The following SIK3 variants were observed in gnomAD, a reference collection of about 807,000 sequenced individuals.
The protein encoded by SIK3 is serine/threonine-protein kinase SIK3.
SIK3 carries 28 observed loss-of-function variants against 144.2 expected under a neutral mutation model. That is an observed-to-expected ratio of 0.19 (90% CI 0.14 to 0.27). The LOEUF is 0.27. Among genes scored for constraint, SIK3 ranks in the 10% least tolerant of loss-of-function variants. The pLI is 1.00. For synonymous variants in SIK3, 686 were observed against 676.3 expected (o/e 1.01, Z -0.22); for missense variants, 1,319 against 1,776.0 (o/e 0.74, Z 4.62).
Position 117,054,483 on chromosome 11 carries a change from A to G in SIK3, c.273+43660T>C, listed in dbSNP as rs997984069. 5.3e-5 allele frequency among the ~76,000 whole-genome samples: 8 copies of G among 152,222 alleles called. No homozygotes were observed. The East Asian group carries it at 1.5e-3, about 29-fold the overall frequency. On this transcript the variant is annotated intron_variant, in intron 1 of 24. Transcript: ENST00000445177. The stretch of plus-strand genomic sequence containing the variant: ...CCATCAGAGGCCTTTCTGCTGAGTG[A>G]TATGAGCAGATCTACCTACTATAAA...
At chr11:116,917,449 C>T (rs116446077) in intron 4 of SIK3, among the ~76,000 whole-genome samples, 78 of 152,258 alleles carry the variant, frequency 5.1e-4, no homozygotes, top group Middle Eastern at 3.4e-3. Flanking sequence ...GTAGCTCATG[C>T]TTGTAATCCC....
intron 1 of SIK3, among the ~76,000 whole-genome samples, chr11:116,988,785 C>T (rs1376984520): frequency 2.0e-5 from 3 of 151,436 alleles, no homozygotes; most frequent in Non-Finnish European, 4.4e-5. Flanking sequence ...CAAAGCAAGA[C>T]TCTTTCTCAA....
chr11:116,962,674 G>C (rs1241539349), intron 1 of SIK3, among the ~76,000 whole-genome samples: 3 of 151,990 alleles, frequency 2.0e-5, no homozygotes, highest in Admixed American at 2.0e-4. Context: ...TTATGATCTA[G>C]ATCTGTACAG....
chr11:116,886,189 C>T lies in SIK3; in HGVS notation c.866-9147G>A, dbSNP rs1291385059. ...TGTTTCACTCTGAAGTAGTTCTTAA[C>T]CTCTTTTCTGACATCAGCTGTGATT... On this transcript the variant is annotated intron_variant, in intron 6 of 24. Coordinates refer to ENST00000445177, the MANE Select transcript of SIK3 (RefSeq NM_001366686.3). Among the ~76,000 whole-genome samples the T allele has an allele frequency of 2.0e-5, 3 of 152,188 alleles. No individual in the cohort carries two copies. In the South Asian group the frequency reaches 6.2e-4, roughly 32 times the overall value.
At chr11:116,891,637 T>C (rs1436986459) in intron 6 of SIK3, among the ~76,000 whole-genome samples, 1 of 152,012 alleles carries the variant, frequency 6.6e-6, no homozygotes, top group Non-Finnish European at 1.5e-5. Context: ...TAGAAAATGA[T>C]ATAATCAGAT....
At chr11:116,886,736 G>T (rs1314850724) in intron 6 of SIK3, among the ~76,000 whole-genome samples, 1 of 137,322 alleles carries the variant, frequency 7.3e-6, no homozygotes, top group Non-Finnish European at 1.7e-5. Context: ...GGTAAACTAG[G>T]CTTTAAGTAT....
At chr11:117,067,725 G>A (rs1291159852) in intron 1 of SIK3, among the ~76,000 whole-genome samples, 2 of 152,156 alleles carry the variant, frequency 1.3e-5, no homozygotes, top group Non-Finnish European at 2.9e-5. Context: ...GGTGGCTCAT[G>A]CCTGTAATCC....
intron 1 of SIK3, among the ~76,000 whole-genome samples, chr11:117,005,336 G>GAAAAAAAAAAA (rs35279676): frequency 4.1e-4 from 23 of 55,936 alleles, no homozygotes; most frequent in South Asian, 1.0e-3. Context: ...CCCCGTCTCA[G>GAAAAAAAAAAA]AAAAAAAAAA....
intron 1 of SIK3, among the ~76,000 whole-genome samples, chr11:116,970,792 G>A (rs1015146764): frequency 4.6e-5 from 7 of 151,998 alleles, no homozygotes; most frequent in African/African-American, 9.7e-5. Context: ...CAGGACTACA[G>A]GCATGTACTA....
chr11:117,068,615 C>T (rs56863596), intron 1 of SIK3, among the ~76,000 whole-genome samples: 10 of 152,058 alleles, frequency 6.6e-5, no homozygotes, highest in Non-Finnish European at 1.3e-4. Flanking sequence ...GGACAGGTGG[C>T]GCATGCCTGT....
chr11:116,860,652 T>C (rs1327399909), intron 19 of SIK3, among the ~76,000 whole-genome samples: 1 of 152,250 alleles, frequency 6.6e-6, no homozygotes, highest in Non-Finnish European at 1.5e-5. Context: ...TGCCAGAGAC[T>C]GTTCCAAGTG....
At chr11:116,918,168 T>C (rs1946769387) in intron 4 of SIK3, among the ~76,000 whole-genome samples, 1 of 152,188 alleles carries the variant, frequency 6.6e-6, no homozygotes, top group Non-Finnish European at 1.5e-5. Flanking sequence ...TTAAATCCAG[T>C]GAATTAACAT....
chr11:116,913,322 A>C (rs1946442926), intron 4 of SIK3, among the ~76,000 whole-genome samples: 1 of 152,142 alleles, frequency 6.6e-6, no homozygotes, highest in African/African-American at 2.4e-5. Context: ...TAATCATCTT[A>C]TTTGGGGGGA....
At chr11:116,886,636 G>A (rs938349162) in intron 6 of SIK3, among the ~76,000 whole-genome samples, 3 of 152,186 alleles carry the variant, frequency 2.0e-5, no homozygotes, top group South Asian at 2.1e-4. Context: ...CTTCACTAAC[G>A]CTGCAGTTTT....
rs537598612 is a variant in SIK3 at position 116,858,957 on chromosome 11, A to C, written c.2766-258T>G. On this transcript the variant is annotated intron_variant, in intron 20 of 24. Transcript: ENST00000445177. The surrounding 1 kb of genome is among the most constrained non-coding windows in gnomAD (Gnocchi z 5.4). ...ACTTCAAGATGCTCCCTTCAAGAAA[A>C]GGGGAACTGGAATTTTTATACATTC... Among the ~76,000 whole-genome samples, 260 of 152,332 alleles carry C rather than the reference A, an allele frequency of 1.7e-3. 2 individuals are homozygous for C. The highest frequency in any genetic ancestry group is 1.8e-3 in the Non-Finnish European group (124 of 68,024).
intron 14 of SIK3, 113 bp from the exon 15 acceptor site, chr11:116,868,202 G>C: frequency 7.3e-7 from 1 of 1,364,388 alleles, no homozygotes; most frequent in Admixed American, 2.0e-5. Context: ...CAGAGCTCAC[G>C]AAGGCTTGAT....
intron 3 of SIK3, among the ~76,000 whole-genome samples, chr11:116,943,189 A>G (rs1325102917): frequency 6.6e-6 from 1 of 152,082 alleles, no homozygotes; most frequent in Non-Finnish European, 1.5e-5. Flanking sequence ...AATGAAAAAA[A>G]AAATTACTTC....
chr11:117,094,118 G>T (rs1164105342), intron 1 of SIK3, among the ~76,000 whole-genome samples: 1 of 152,072 alleles, frequency 6.6e-6, no homozygotes, highest in East Asian at 1.9e-4. Flanking sequence ...CAAGCACACA[G>T]AAGTTAAATA....
chr11:116,933,490 G>T (rs1947737804), intron 3 of SIK3, among the ~76,000 whole-genome samples: 2 of 152,204 alleles, frequency 1.3e-5, no homozygotes, highest in Non-Finnish European at 2.9e-5. Context: ...AGATGTACAA[G>T]AGTTTCCTTA....
Sources: gnomAD v4.1 joint callset for allele counts (sites outside exome capture counted in the v4.1 genomes callset) on GRCh38, gnomAD v4.1.1 for gene constraint, Gnocchi (gnomAD v3.1) non-coding constraint, MANE v1.5 for transcripts, NCBI Gene and HGNC (gene_info 2026-07-23, HGNC 2026-07-21) for gene names.